GALNTL6: variants seen among roughly 807,000 people sequenced by gnomAD.
GALNTL6 encodes polypeptide N-acetylgalactosaminyltransferase like 6, also known as polypeptide N-acetylgalactosaminyltransferase-like 6.
Under a neutral mutation model 73.7 loss-of-function variants are expected in GALNTL6, and 46 were observed. That is an observed-to-expected ratio of 0.62 (90% CI 0.49 to 0.80). The LOEUF (loss-of-function observed/expected upper bound fraction) is 0.80, where lower values mean the gene tolerates loss of function less well. Ranked by LOEUF, GALNTL6 falls within the 30% of genes least tolerant of loss-of-function variation. The pLI, the probability that GALNTL6 is intolerant of heterozygous loss-of-function variation, is 0.00. For missense variants in GALNTL6, 604 were observed against 755.0 expected, an observed-to-expected ratio of 0.80 and a Z score of 2.34; for synonymous variants, 259 against 263.7, an observed-to-expected ratio of 0.98 and a Z score of 0.17.
intron 5 of GALNTL6, among the ~76,000 whole-genome samples, chr4:172,660,150 C>A (rs1400240971): frequency 6.6e-6 from 1 of 152,174 alleles, no homozygotes; most frequent in African/African-American, 2.4e-5. Context: ...CAGCCAAGAT[C>A]ACAAAGTTAG....
intron 5 of GALNTL6, among the ~76,000 whole-genome samples, chr4:172,730,725 A>G (rs1359967611): frequency 3.3e-5 from 5 of 152,092 alleles, no homozygotes; most frequent in African/African-American, 1.2e-4. Context: ...GTATTAGGCT[A>G]ATGCTGGTCT....
intron 2 of GALNTL6, among the ~76,000 whole-genome samples, chr4:171,867,034 T>G (rs1276075509): frequency 6.6e-6 from 1 of 152,162 alleles, no homozygotes; most frequent in African/African-American, 2.4e-5. Context: ...GAAAATATTC[T>G]ATTCAACCTG....
chr4:172,134,317 G>A (rs543461162), intron 2 of GALNTL6, among the ~76,000 whole-genome samples: 3 of 151,742 alleles, frequency 2.0e-5, no homozygotes, highest in South Asian at 2.1e-4. Context: ...CCTGGGAGGC[G>A]GAGTTTGCAG....
intron 2 of GALNTL6, among the ~76,000 whole-genome samples, chr4:172,102,109 C>T (rs1051136837): frequency 1.3e-5 from 2 of 152,082 alleles, no homozygotes; most frequent in African/African-American, 2.4e-5. Context: ...ATGAAAACTT[C>T]GGTTGTAAGC....
At chr4:172,493,988 G>A (rs776412427) in intron 5 of GALNTL6, among the ~76,000 whole-genome samples, 2 of 152,078 alleles carry the variant, frequency 1.3e-5, no homozygotes, top group Non-Finnish European at 2.9e-5. Flanking sequence ...CAGCTAGAAT[G>A]TAGGTCTCTC....
intron 10 of GALNTL6, 123 bp from the exon 11 acceptor site, chr4:173,009,055 C>T: frequency 1.5e-6 from 1 of 687,620 alleles, no homozygotes; most frequent in South Asian, 1.7e-5. Flanking sequence ...TTCAAGGTCT[C>T]ATTCAATATG....
chr4:172,251,143 G>A (rs1737852066), intron 3 of GALNTL6, among the ~76,000 whole-genome samples: 2 of 152,130 alleles, frequency 1.3e-5, no homozygotes, highest in African/African-American at 4.8e-5. Flanking sequence ...TCCAAAATCT[G>A]ATGGTGGAGG....
intron 8 of GALNTL6, among the ~76,000 whole-genome samples, chr4:172,906,188 G>T (rs1458981301): frequency 6.6e-6 from 1 of 151,922 alleles, no homozygotes; most frequent in East Asian, 1.9e-4. Flanking sequence ...AAGAGATATA[G>T]ATAGATGTGG....
At chr4:172,019,415 A>T (rs940486529) in intron 2 of GALNTL6, among the ~76,000 whole-genome samples, 1 of 152,124 alleles carries the variant, frequency 6.6e-6, no homozygotes, top group Non-Finnish European at 1.5e-5. Context: ...TCTGTTGCCT[A>T]TGAGAAACAC....
intron 7 of GALNTL6, among the ~76,000 whole-genome samples, chr4:172,833,103 G>A (rs1253636831): frequency 1.3e-5 from 2 of 151,974 alleles, no homozygotes; most frequent in Non-Finnish European, 2.9e-5. Context: ...GGGGTAGGGA[G>A]TGTTACACAC....
chr4:172,231,295 C>T (rs1405158162), intron 3 of GALNTL6, among the ~76,000 whole-genome samples: 1 of 152,112 alleles, frequency 6.6e-6, no homozygotes, highest in Non-Finnish European at 1.5e-5. Flanking sequence ...GAATCTTCCA[C>T]AAGTTAATAA....
intron 5 of GALNTL6, among the ~76,000 whole-genome samples, chr4:172,726,860 C>T (rs1735846571): frequency 6.6e-6 from 1 of 152,028 alleles, no homozygotes; most frequent in African/African-American, 2.4e-5. Context: ...TCTAATAGTC[C>T]CTGCTTCTGT....
At chr4:173,013,565 A>G (rs888323944) in intron 11 of GALNTL6, among the ~76,000 whole-genome samples, 13 of 149,400 alleles carry the variant, frequency 8.7e-5, no homozygotes, top group Admixed American at 2.0e-4. Flanking sequence ...ACGTCCCCCA[A>G]CTCCCCACCT....
chr4:171,946,919 G>A (rs56127591), intron 2 of GALNTL6, among the ~76,000 whole-genome samples: 34,863 of 151,766 alleles, frequency 0.23, 4,358 homozygotes, highest in Middle Eastern at 0.32. Context: ...AGTTCCGGGG[G>A]GTACAAATAA....
intron 5 of GALNTL6, among the ~76,000 whole-genome samples, chr4:172,494,717 G>A (rs1734013758): frequency 6.6e-6 from 1 of 152,196 alleles, no homozygotes; most frequent in Non-Finnish European, 1.5e-5. Context: ...AGAACTTGGA[G>A]TCTGATGTTC....
At chr4:172,741,203 G>A (rs1392445022) in intron 5 of GALNTL6, among the ~76,000 whole-genome samples, 1 of 152,082 alleles carries the variant, frequency 6.6e-6, no homozygotes, top group African/African-American at 2.4e-5. Flanking sequence ...AGGGTCATTT[G>A]AACCTAACAG....
intron 2 of GALNTL6, among the ~76,000 whole-genome samples, chr4:172,183,985 G>A (rs1233528125): frequency 1.3e-5 from 2 of 151,920 alleles, no homozygotes; most frequent in Non-Finnish European, 2.9e-5. Context: ...TAGAGACGGG[G>A]TTTCACCATG....
intron 3 of GALNTL6, among the ~76,000 whole-genome samples, chr4:172,287,083 GGGT>G (rs746380759): frequency 1.3e-5 from 2 of 152,178 alleles, no homozygotes; most frequent in Non-Finnish European, 2.9e-5. Context: ...AAGCCTTGCA[GGGT>G]GGAAATCCTT....
At chr4:172,661,042 G>A (rs1731339885) in intron 5 of GALNTL6, among the ~76,000 whole-genome samples, 1 of 152,178 alleles carries the variant, frequency 6.6e-6, no homozygotes, top group African/African-American at 2.4e-5. Context: ...TATGACAACT[G>A]GATTGGGCCA....
Sources: gnomAD v4.1 joint callset for allele counts (sites outside exome capture counted in the v4.1 genomes callset) on GRCh38, gnomAD v4.1.1 for gene constraint, MANE v1.5 for transcripts, NCBI Gene and HGNC (gene_info 2026-07-23, HGNC 2026-07-21) for gene names.